WWOX: variants seen among roughly 807,000 people sequenced by gnomAD.
WWOX encodes WW domain containing oxidoreductase.
A neutral mutation model predicts 46.2 loss-of-function variants in WWOX; 69 were observed. The observed-to-expected ratio is 1.49, with a 90% CI of 1.23 to 1.82. WWOX has a LOEUF of 1.82. Among genes scored for constraint, WWOX ranks in the 40% most tolerant of loss-of-function variants. The pLI, the probability that WWOX is intolerant of heterozygous loss-of-function variation, is 0.00. For missense variants in WWOX, 919 were observed against 542.6 expected (o/e 1.69, Z -6.89); for synonymous variants, 359 against 202.6 (o/e 1.77, Z -6.56).
At chr16:78,581,478 T>C (rs1322537337) in intron 8 of WWOX, among the ~76,000 whole-genome samples, 1 of 152,236 alleles carries the variant, frequency 6.6e-6, no homozygotes, top group Non-Finnish European at 1.5e-5. Flanking sequence ...TCATTGTCTT[T>C]ATAGTTTAAC....
intron 4 of WWOX, among the ~76,000 whole-genome samples, chr16:78,140,704 G>C (rs972752679): frequency 6.6e-6 from 1 of 152,102 alleles, no homozygotes; most frequent in Non-Finnish European, 1.5e-5. Flanking sequence ...GTTTTACTGG[G>C]TGAGAGCCCA....
At chr16:78,496,100 T>G (rs1385775648) in intron 8 of WWOX, 1 of 152,212 alleles carries the variant, frequency 6.6e-6, no homozygotes, top group Non-Finnish European at 1.5e-5. Flanking sequence ...CACCTGGTAC[T>G]ATTTGGCTTT....
At chr16:79,065,401 A>G (rs1008751558) in intron 8 of WWOX, among the ~76,000 whole-genome samples, 1 of 152,206 alleles carries the variant, frequency 6.6e-6, no homozygotes, top group African/African-American at 2.4e-5. Context: ...GAGCTAGGGA[A>G]TGGAAAATGC....
chr16:78,360,905 C>T (rs2081396182), intron 5 of WWOX, among the ~76,000 whole-genome samples: 1 of 151,992 alleles, frequency 6.6e-6, no homozygotes, highest in Non-Finnish European at 1.5e-5. Flanking sequence ...ACTGCAGCCT[C>T]CACCTCCTAG....
chr16:79,165,529 T>C (rs1184229907), intron 8 of WWOX, among the ~76,000 whole-genome samples: 1 of 152,208 alleles, frequency 6.6e-6, no homozygotes, highest in Non-Finnish European at 1.5e-5. Context: ...TCTTTGTTTA[T>C]GTTGGTGTTT....
chr16:78,747,978 G>C (rs1452423871), intron 8 of WWOX, among the ~76,000 whole-genome samples: 1 of 152,150 alleles, frequency 6.6e-6, no homozygotes, highest in African/African-American at 2.4e-5. Context: ...TGGTCCTCTT[G>C]CGTAGCAGCC....
chr16:79,063,456 C>T (rs770108210), intron 8 of WWOX, among the ~76,000 whole-genome samples: 4 of 152,140 alleles, frequency 2.6e-5, no homozygotes, highest in African/African-American at 4.8e-5. Context: ...TTGGTCTCTG[C>T]TATAGGAGGG....
intron 8 of WWOX, among the ~76,000 whole-genome samples, chr16:79,151,962 A>C (rs536956032): frequency 1.3e-5 from 2 of 152,318 alleles, no homozygotes; most frequent in South Asian, 2.1e-4. Context: ...CTGAGTCTTT[A>C]AAAGGCAACA....
At chr16:79,019,156 T>C (rs2047477066) in intron 8 of WWOX, among the ~76,000 whole-genome samples, 1 of 9,320 alleles carries the variant, frequency 1.1e-4, no homozygotes, top group Non-Finnish European at 1.5e-4. Flanking sequence ...CGACCTTGTC[T>C]CAAAAAAAAA....
chr16:78,934,508 C>CAAAAAAAAAAAA (rs760272326), intron 8 of WWOX, among the ~76,000 whole-genome samples: 1 of 73,906 alleles, frequency 1.4e-5, no homozygotes, highest in African/African-American at 5.1e-5. Context: ...AACCCTGTAT[C>CAAAAAAAAAAAA]AAAAAAAAAA....
chr16:78,625,885 G>C (rs532099356), intron 8 of WWOX, among the ~76,000 whole-genome samples: 1 of 149,906 alleles, frequency 6.7e-6, no homozygotes, highest in African/African-American at 2.4e-5. Context: ...TTTAAGTAAT[G>C]CAATTACTTA....
chr16:78,723,306 G>T (rs1421949005), intron 8 of WWOX, among the ~76,000 whole-genome samples: 3 of 152,144 alleles, frequency 2.0e-5, no homozygotes, highest in African/African-American at 7.2e-5. Flanking sequence ...CATGAAGCAT[G>T]GTCTCTTGCC....
intron 8 of WWOX, among the ~76,000 whole-genome samples, chr16:79,027,188 G>C (rs2047662790): frequency 6.7e-6 from 1 of 149,904 alleles, no homozygotes; most frequent in South Asian, 2.1e-4. Context: ...GCTGAAGTGG[G>C]ATAATCAGCT....
intron 8 of WWOX, chr16:78,757,129 C>T (rs1012735992): frequency 2.5e-5 from 16 of 645,438 alleles, no homozygotes; most frequent in African/African-American, 7.3e-5. Flanking sequence ...CTAGAACCAC[C>T]GAGCTAAGCT....
At chr16:78,758,620 G>A (rs997034382) in intron 8 of WWOX, among the ~76,000 whole-genome samples, 2 of 152,080 alleles carry the variant, frequency 1.3e-5, no homozygotes, top group African/African-American at 4.8e-5. Flanking sequence ...TTTTTAGCTT[G>A]TCCTTCCCGT....
chr16:78,915,494 C>CCTA (rs1336810428), intron 8 of WWOX, among the ~76,000 whole-genome samples: 9 of 152,068 alleles, frequency 5.9e-5, no homozygotes, highest in Non-Finnish European at 1.2e-4. Flanking sequence ...GGCCAATGAG[C>CCTA]CTACACAGAA....
At chr16:78,723,423 T>C (rs1303824584) in intron 8 of WWOX, among the ~76,000 whole-genome samples, 1 of 150,006 alleles carries the variant, frequency 6.7e-6, no homozygotes, top group Non-Finnish European at 1.5e-5. Flanking sequence ...GGTGCCAAGC[T>C]ATTATTATAA....
intron 8 of WWOX, among the ~76,000 whole-genome samples, chr16:78,976,561 T>A (rs950755593): frequency 6.6e-6 from 1 of 152,072 alleles, no homozygotes; most frequent in Non-Finnish European, 1.5e-5. Flanking sequence ...TTGATCTAGG[T>A]CTCAGCCTGG....
intron 8 of WWOX, among the ~76,000 whole-genome samples, chr16:79,184,485 A>T (rs1006370738): frequency 6.6e-6 from 1 of 152,090 alleles, no homozygotes; most frequent in Non-Finnish European, 1.5e-5. Context: ...CTGCAGACTG[A>T]CCAAAAGCAC....
Sources: gnomAD v4.1 joint callset for allele counts (sites outside exome capture counted in the v4.1 genomes callset) on GRCh38, gnomAD v4.1.1 for gene constraint, MANE v1.5 for transcripts, NCBI Gene and HGNC (gene_info 2026-07-23, HGNC 2026-07-21) for gene names.